The following RNF215 variants were observed in gnomAD, a reference collection of about 807,000 sequenced individuals.
The protein encoded by RNF215 is ring finger protein 215.
In RNF215, 41 loss-of-function variants were observed where a neutral mutation model predicts 44.8. The observed-to-expected ratio is 0.92, with a 90% CI of 0.71 to 1.19. The LOEUF (loss-of-function observed/expected upper bound fraction) is 1.19, where lower values mean the gene tolerates loss of function less well. Ranked by LOEUF, RNF215 falls within the 50% of genes most tolerant of loss-of-function variation. RNF215 has a pLI of 0.00. For missense variants in RNF215, 452 were observed against 496.2 expected (o/e 0.91, Z 0.85); for synonymous variants, 218 against 230.1 (o/e 0.95, Z 0.48).
chr22:30,383,962 G>A (rs980509101), intron 5 of RNF215, among the ~76,000 whole-genome samples: 4 of 152,172 alleles, frequency 2.6e-5, no homozygotes, highest in African/African-American at 7.2e-5. Context: ...CAGAAGGCCT[G>A]GGCATATGCA....
chr22:30,383,525 C>T (rs968230925), intron 5 of RNF215, among the ~76,000 whole-genome samples: 1 of 152,212 alleles, frequency 6.6e-6, no homozygotes, highest in Admixed American at 6.5e-5. Context: ...GATTGCCCCA[C>T]TTGAAGCTGC....
rs1459108623 is a variant in RNF215 at position 30,379,716 on chromosome 22, A to G, written c.1106T>C (p.Val369Ala). The G allele has an allele frequency of 1.3e-6, 2 of 1,558,068 alleles. No individual in the cohort carries two copies. The highest frequency in any genetic ancestry group is 1.7e-6 in the Non-Finnish European group (2 of 1,150,934). The stretch of plus-strand genomic sequence containing the variant: ...ACCCCACCCCTGGTGCTCACCCAGG[A>G]CGTTGAATTTGCACAGTGGGCAGGT... The part of the protein sequence containing the change: ...QQTCPLCKFN[V>A]LGNRYSDD The change falls in exon 8 of 9, where the codon GTC becomes GCC. Residue 369 changes from valine to alanine, a missense_variant. Transcript: ENST00000382363.
Position 30,384,419 on chromosome 22 carries a change from T to C in RNF215, c.664A>G (p.Thr222Ala). Residue 222 changes from threonine (T) to alanine (A), a missense_variant, in exon 5 of 9, where the codon ACC becomes GCC. Transcript: ENST00000382363. Reference protein sequence around the residue: ...ANIEWKLTLWTTCGLSKDGYG... With the variant: ...ANIEWKLTLWATCGLSKDGYG... ...CCATCCTTGGAGAGGCCACAGGTGG[T>C]CCACAAGGTCAACTTCCACTCGATA... 6.2e-7 allele frequency: 1 copy of C among 1,613,990 alleles called. No homozygotes were observed. Among genetic ancestry groups the C allele is most frequent in the Non-Finnish European group, 8.5e-7 (1 of 1,179,970 alleles).
intron 2 of RNF215, 138 bp from the exon 3 acceptor site, chr22:30,386,279 G>T: frequency 1.2e-6 from 1 of 819,402 alleles, no homozygotes; most frequent in Non-Finnish European, 1.9e-6. Context: ...GCTCCTTGAG[G>T]TCAAAGGTGG....
rs760370080 is a variant in RNF215, at chr22:30,386,629, G to T, written c.416C>A (p.Ala139Asp). ...KGSGPQAYPK[A>D]LVQQMRRALF... ...CATCCCCTGCACCTGCTGGACCAGG[G>T]CCTTGGGATAGGCCTGCGGGCCACT... The change falls in exon 2 of 9, where the codon GCC becomes GAC. Residue 139 changes from alanine to aspartate, a missense_variant. Ala to Asp is a moderately radical substitution (Grantham distance 126). Coordinates refer to ENST00000382363, the MANE Select transcript of RNF215 (RefSeq NM_001017981.2). 1 of 1,612,946 alleles carries T rather than the reference G, an allele frequency of 6.2e-7. No homozygotes were observed. Among genetic ancestry groups the T allele is most frequent in the South Asian group, 1.1e-5 (1 of 91,058 alleles).
chr22:30,379,611 A>G lies in RNF215; in HGVS notation c.1123T>C (p.Ser375Pro). 1 of 1,551,068 alleles carries G rather than the reference A, an allele frequency of 6.4e-7. No individual in the cohort carries two copies. The highest frequency in any genetic ancestry group is 1.4e-5 in the African/African-American group (1 of 73,156). ...GTCCAGCTGGGCAGCTAATCATCGG[A>G]GTAGCGGTTCCCTGCAGGGGAGGGG... ...CKFNVLGNRY[S>P]DD is the part of the protein sequence containing the mutation. Residue 375 changes from serine (S) to proline (P), a missense_variant, in exon 9 of 9, where the codon TCC becomes CCC. Physicochemically the swap from Ser to Pro is moderately conservative, Grantham distance 74. Coordinates refer to ENST00000382363, the MANE Select transcript of RNF215 (RefSeq NM_001017981.2).
chr22:30,379,967 G>A, intron 7 of RNF215, 95 bp downstream of exon 7: 2 of 1,574,422 alleles, frequency 1.3e-6, no homozygotes, highest in South Asian at 2.3e-5. Flanking sequence ...GGGGCTGAAG[G>A]AGAAGGGCCT....
At position 30,382,979 on chromosome 22, in the gene RNF215, G is replaced by A. The variant is rs566468334; in HGVS notation, c.744+1360C>T. On this transcript the variant is annotated intron_variant, in intron 5 of 8. Transcript: ENST00000382363. Reference sequence around the variant, plus strand: ...TAGCTAGACATGGTGGCACGTGCCTGTAGTCCCAGCTACTTGGGGGACTGA... The same window carrying A: ...TAGCTAGACATGGTGGCACGTGCCTATAGTCCCAGCTACTTGGGGGACTGA... Among the ~76,000 whole-genome samples, 7 of 152,320 alleles carry A rather than the reference G, an allele frequency of 4.6e-5. No homozygotes were observed. The South Asian group carries it at 1.5e-3, about 32-fold the overall frequency.
At chr22:30,385,844 G>A in intron 4 of RNF215, 60 bp downstream of exon 4, 1 of 1,507,038 alleles carries the variant, frequency 6.6e-7, no homozygotes, top group Non-Finnish European at 9.2e-7. Context: ...TCAGTCCATG[G>A]GAGAACCAGG....
chr22:30,386,858 T>C (rs1430423419), intron 1 of RNF215, 99 bp from the exon 2 acceptor site: 1 of 1,498,666 alleles, frequency 6.7e-7, no homozygotes, highest in Non-Finnish European at 8.9e-7. Context: ...TCCCAGAGCA[T>C]CTGGCTCTCT....
At chr22:30,383,579 C>A (rs891713515) in intron 5 of RNF215, among the ~76,000 whole-genome samples, 6 of 152,192 alleles carry the variant, frequency 3.9e-5, no homozygotes, top group South Asian at 2.1e-4. Context: ...AGGCTGTACA[C>A]CAGGAGACCG....
At position 30,386,917 on chromosome 22, in the gene RNF215, G is replaced by C. The variant is rs565860870; in HGVS notation, c.285+112C>G. ...GGGCCTGGGGAGCCTGGGGAGGGGC[G>C]CTGGACTCTCAAGGCTTGGTGGAGG... is the stretch of plus-strand genomic sequence containing the variant. On this transcript the variant is annotated intron_variant, in intron 1 of 8. Transcript: ENST00000382363. 40 of 1,482,868 alleles carry C rather than the reference G, an allele frequency of 2.7e-5. 1 individual carries two copies. The South Asian group carries it at 4.7e-4, about 18-fold the overall frequency. 91.9% of individuals were successfully genotyped at this position (1,482,868 alleles called of 1,614,324 possible). A position where few individuals can be genotyped will look rare whatever the true frequency, so the allele number is the denominator to read the frequency against.
rs1417565727 is a variant in RNF215 at position 30,387,168 on chromosome 22, G to T, written c.146C>A (p.Ala49Glu). Residue 49 changes from alanine to glutamate, a missense_variant, in exon 1 of 9, where the codon GCG becomes GAG. Physicochemically the swap from Ala to Glu is moderately radical, Grantham distance 107 (BLOSUM62 -1). Coordinates refer to ENST00000382363, the MANE Select transcript of RNF215 (RefSeq NM_001017981.2). ...PGAAADGSEPAAGAGRGGARA... is the reference protein window; with the variant it reads ...PGAAADGSEPEAGAGRGGARA... ...GGCTCCGCCCCGCCCCGCCCCGGCC[G>T]CCGGCTCGCTGCCGTCCGCCGCGGC... The T allele has an allele frequency of 5.1e-6, 6 of 1,173,702 alleles. No homozygotes were observed. The African/African-American group carries it at 9.7e-5, about 19-fold the overall frequency. 72.7% of individuals were successfully genotyped at this position (1,173,702 alleles called of 1,614,324 possible). A position where few individuals can be genotyped will look rare whatever the true frequency, so the allele number is the denominator to read the frequency against.
At position 30,386,158 on chromosome 22, in the gene RNF215, G is replaced by A. The variant is rs1421865644; in HGVS notation, c.430-17C>T. 1.9e-6 allele frequency: 3 copies of A among 1,579,864 alleles called. No homozygotes were observed. In the Admixed American group the frequency reaches 5.5e-5, roughly 29 times the overall value. The stretch of plus-strand genomic sequence containing the variant: ...CCGCCGCATCTGCAGAGGGATAGAA[G>A]GCGAGAGGCTAGCATATACCCTGCC... On this transcript the variant is annotated splice_polypyrimidine_tract_variant and intron_variant, in intron 2 of 8. Coordinates refer to ENST00000382363, the MANE Select transcript of RNF215 (RefSeq NM_001017981.2).
rs550183806 is a variant in RNF215, at chr22:30,386,803, G to C, written c.286-44C>G. The C allele has an allele frequency of 8.9e-6, 14 of 1,580,398 alleles. No individual in the cohort carries two copies. The East Asian group carries it at 1.6e-4, about 18-fold the overall frequency. ...TGAGCAGAGGGAGGTAGGGTGTGGT[G>C]GGGGAGGGAGCCGGGGTCATCACAG... On this transcript the variant is annotated intron_variant, in intron 1 of 8. Transcript: ENST00000382363.
At chr22:30,386,038 C>T in intron 3 of RNF215, 32 bp downstream of exon 3, 1 of 1,613,994 alleles carries the variant, frequency 6.2e-7, no homozygotes, top group Non-Finnish European at 8.5e-7. Context: ...CTTTCCCCAG[C>T]TTGCTTACCC....
intron 5 of RNF215, among the ~76,000 whole-genome samples, chr22:30,381,958 C>T (rs1933535382): frequency 6.6e-6 from 1 of 152,202 alleles, no homozygotes; most frequent in Non-Finnish European, 1.5e-5. Context: ...GTGCTTACCC[C>T]AGCAGAGTGA....
In RNF215 at chr22:30,380,511, CCT is replaced by C. The variant is rs1933515323; in HGVS notation, c.745-112_745-111del. ...GCAGGCAGGTGAGGTATGCTGACGG[CCT>C]CTGTGTCCCTGCAGTCCCCAGCTTC... On this transcript the variant is annotated intron_variant, in intron 5 of 8. Transcript: ENST00000382363. This position sits in a 1 kb window ranked among gnomAD's most constrained non-coding sequence, Gnocchi z 5.3. The C allele has an allele frequency of 7.5e-7, 1 of 1,332,994 alleles. No individual in the cohort carries two copies. Among genetic ancestry groups the C allele is most frequent in the Non-Finnish European group, 1.0e-6 (1 of 985,856 alleles). The allele number at this position is 1,332,994 out of a possible 1,614,324, so 82.6% of individuals were successfully genotyped here.
Position 30,380,211 on chromosome 22 carries a change from G to C in RNF215, c.865-6C>G. On this transcript the variant is annotated splice_region_variant and splice_polypyrimidine_tract_variant and intron_variant, in intron 6 of 8. Transcript: ENST00000382363. The surrounding 1 kb of genome is among the most constrained non-coding windows in gnomAD (Gnocchi z 5.3). ...CGGCGCTTAAACAGGTCCACCTGTGGGGAGAGGACGGGCACAGTCTTGCAG... is the reference window on the plus strand; with the variant it reads ...CGGCGCTTAAACAGGTCCACCTGTGCGGAGAGGACGGGCACAGTCTTGCAG... The C allele has an allele frequency of 6.2e-7, 1 of 1,613,554 alleles. No individual in the cohort carries two copies. Among genetic ancestry groups the C allele is most frequent in the Non-Finnish European group, 8.5e-7 (1 of 1,179,788 alleles).
Sources: allele counts gnomAD v4.1 joint callset (sites outside exome capture counted in the v4.1 genomes callset), GRCh38; gene constraint gnomAD v4.1.1; non-coding constraint Gnocchi (gnomAD v3.1); transcripts MANE v1.5; gene names NCBI Gene and HGNC (gene_info 2026-07-23, HGNC 2026-07-21).